Variants in GSG1L observed in about 807,000 individuals in gnomAD.
GSG1L encodes the protein GSG1 like.
A neutral mutation model predicts 42.1 loss-of-function variants in GSG1L; 24 were observed. The ratio of observed to expected loss-of-function variants is 0.57; its 90% CI spans 0.41 to 0.80. The LOEUF is 0.80. GSG1L is among the 30% of genes least tolerant of loss of function. The pLI, the probability that GSG1L is intolerant of heterozygous loss-of-function variation, is 0.00. For missense variants in GSG1L, 445 were observed against 472.2 expected, an observed-to-expected ratio of 0.94 and a Z score of 0.53; for synonymous variants, 215 against 203.5, an observed-to-expected ratio of 1.06 and a Z score of -0.48.
In GSG1L at chr16:27,790,019, A is replaced by G. The variant is rs574492241; in HGVS notation, c.*1351T>C. ...GCTGGATGGATGGATGGATGGATAG[A>G]TGATGGATAGCTGATGAATGAGTGG... is the stretch of plus-strand genomic sequence containing the variant. On this transcript the variant is annotated 3_prime_UTR_variant, in exon 7 of 7. Transcript: ENST00000447459. 6.6e-6 allele frequency: 1 copy of G among 151,446 alleles called. No individual in the cohort carries two copies. Among genetic ancestry groups the G allele is most frequent in the African/African-American group, 2.4e-5 (1 of 41,234 alleles). The allele number at this position is 151,446 out of a possible 1,614,324, so 9.4% of individuals were successfully genotyped here. A position where few individuals can be genotyped will look rare whatever the true frequency, so the allele number is the denominator to read the frequency against.
At chr16:27,816,323 G>A (rs1222750576) in intron 5 of GSG1L, among the ~76,000 whole-genome samples, 1 of 152,216 alleles carries the variant, frequency 6.6e-6, no homozygotes, top group South Asian at 2.1e-4. Context: ...TCTGGATTCA[G>A]GGCAGGCAAA....
intron 1 of GSG1L, among the ~76,000 whole-genome samples, chr16:27,986,656 G>A (rs1035453803): frequency 2.0e-5 from 3 of 152,222 alleles, no homozygotes; most frequent in Non-Finnish European, 4.4e-5. Flanking sequence ...TGGGGAGAAT[G>A]TCCTTGCAGT....
rs117704049 is a variant in GSG1L at position 27,811,947 on chromosome 16, G to A, written c.831-4393C>T. ...ATTACAGGCGTGAGCCACCATGCCT[G>A]GTCTCTCCTGGTTTCTTCTCTGAAG... On this transcript the variant is annotated intron_variant, in intron 5 of 6. Transcript: ENST00000447459. Among the ~76,000 whole-genome samples, 9 of 152,296 alleles carry A rather than the reference G, an allele frequency of 5.9e-5. No individual in the cohort carries two copies. The East Asian group carries it at 1.7e-3, about 29-fold the overall frequency.
intron 5 of GSG1L, among the ~76,000 whole-genome samples, chr16:27,828,201 C>T (rs888423954): frequency 1.6e-4 from 24 of 152,198 alleles, no homozygotes; most frequent in African/African-American, 5.8e-4. Flanking sequence ...ATCTACCCAT[C>T]CACTCACTCT....
At chr16:27,897,284 C>G (rs1158488315) in intron 2 of GSG1L, among the ~76,000 whole-genome samples, 1 of 151,892 alleles carries the variant, frequency 6.6e-6, no homozygotes, top group Non-Finnish European at 1.5e-5. Flanking sequence ...CAAGAGGAAA[C>G]TAATACACCT....
intron 3 of GSG1L, among the ~76,000 whole-genome samples, chr16:27,860,652 A>C (rs2083637305): frequency 6.6e-6 from 1 of 152,216 alleles, no homozygotes; most frequent in South Asian, 2.1e-4. Flanking sequence ...AATATGGAGA[A>C]TTTCCATCAA....
Position 28,040,681 on chromosome 16 carries a change from A to G in GSG1L, c.349+22395T>C, listed in dbSNP as rs2086095413. ...TGCTCTCAGAGCCCCCAGGCCTGAG[A>G]GCCTTCCCTCCACTGGGCTCTGGCC... On this transcript the variant is annotated intron_variant, in intron 1 of 6. Transcript: ENST00000447459. The surrounding 1 kb of genome is among the most constrained non-coding windows in gnomAD (Gnocchi z 4.1). Among the ~76,000 whole-genome samples the G allele has an allele frequency of 6.6e-6, 1 of 152,132 alleles. No individual in the cohort carries two copies. Among genetic ancestry groups the G allele is most frequent in the Non-Finnish European group, 1.5e-5 (1 of 68,014 alleles).
intron 1 of GSG1L, among the ~76,000 whole-genome samples, chr16:28,013,213 C>G (rs1462750708): frequency 1.0e-5 from 1 of 99,052 alleles, no homozygotes; most frequent in Non-Finnish European, 2.1e-5. Flanking sequence ...GAGCAAAACT[C>G]TGACTCAAAA....
At chr16:27,942,338 T>A (rs144017929) in intron 2 of GSG1L, among the ~76,000 whole-genome samples, 19 of 152,424 alleles carry the variant, frequency 1.2e-4, no homozygotes, top group African/African-American at 4.6e-4. Context: ...TTGGTAGAGA[T>A]GGAGTTTCAC....
At chr16:27,846,731 G>A (rs908995154) in intron 3 of GSG1L, among the ~76,000 whole-genome samples, 1 of 152,112 alleles carries the variant, frequency 6.6e-6, no homozygotes, top group South Asian at 2.1e-4. Context: ...GAGGCATGCG[G>A]ATCACGAGGT....
intron 2 of GSG1L, among the ~76,000 whole-genome samples, chr16:27,957,374 A>C (rs17587118): frequency 0.16 from 23,643 of 152,276 alleles, 2,307 homozygotes; most frequent in Non-Finnish European, 0.22. Context: ...AGTTCATAAC[A>C]TGGAGGCATT....
intron 6 of GSG1L, among the ~76,000 whole-genome samples, chr16:27,806,250 T>C (rs1397112811): frequency 1.3e-5 from 2 of 152,088 alleles, no homozygotes; most frequent in Non-Finnish European, 2.9e-5. Flanking sequence ...CAGGCCAAAA[T>C]TGGGCTCTCT....
At chr16:27,992,133 T>G (rs2085464086) in intron 1 of GSG1L, among the ~76,000 whole-genome samples, 1 of 152,154 alleles carries the variant, frequency 6.6e-6, no homozygotes, top group African/African-American at 2.4e-5. Flanking sequence ...TCCCTAGTGA[T>G]GATGAGTTTT....
chr16:27,892,147 T>C (rs1341719994), intron 2 of GSG1L, among the ~76,000 whole-genome samples: 1 of 152,072 alleles, frequency 6.6e-6, no homozygotes, highest in Non-Finnish European at 1.5e-5. Context: ...TAAAGTCCCA[T>C]TTTTAAATGT....
intron 4 of GSG1L, among the ~76,000 whole-genome samples, chr16:27,831,015 C>T (rs1180264112): frequency 6.6e-6 from 1 of 152,236 alleles, no homozygotes; most frequent in African/African-American, 2.4e-5. Context: ...CACATGACCT[C>T]GGCTTGGCTA....
At chr16:27,977,586 A>AG (rs2085266043) in intron 1 of GSG1L, among the ~76,000 whole-genome samples, 1 of 145,116 alleles carries the variant, frequency 6.9e-6, no homozygotes. Flanking sequence ...AAAAAAAAAA[A>AG]GGGCAAGGAC....
Position 27,866,983 on chromosome 16 carries a change from C to T in GSG1L, c.550+17503G>A, listed in dbSNP as rs190199743. Among the ~76,000 whole-genome samples, 204 of 152,288 alleles carry T rather than the reference C, an allele frequency of 1.3e-3. 1 individual carries two copies. The highest frequency in any genetic ancestry group is 0.011 in the Admixed American group (168 of 15,298). ...TCCCCACCAGTGGCCCACCCTGGCCCGGGGGCAGAGGAGAGAGTGCCTATT... is the reference window on the plus strand; with the variant it reads ...TCCCCACCAGTGGCCCACCCTGGCCTGGGGGCAGAGGAGAGAGTGCCTATT... On this transcript the variant is annotated intron_variant, in intron 3 of 6. Transcript: ENST00000447459.
intron 2 of GSG1L, among the ~76,000 whole-genome samples, chr16:27,904,458 T>C (rs375007096): frequency 3.3e-5 from 5 of 152,138 alleles, no homozygotes; most frequent in Admixed American, 6.5e-5. Flanking sequence ...CAATACTCCC[T>C]AGCCCCCTTT....
intron 3 of GSG1L, among the ~76,000 whole-genome samples, chr16:27,879,220 G>A (rs1307623456): frequency 3.9e-5 from 6 of 152,194 alleles, no homozygotes; most frequent in Non-Finnish European, 7.3e-5. Flanking sequence ...TGTGATTAAT[G>A]ATAATGAATG....
Sources: gnomAD v4.1 joint callset for allele counts (sites outside exome capture counted in the v4.1 genomes callset) on GRCh38, gnomAD v4.1.1 for gene constraint, Gnocchi (gnomAD v3.1) non-coding constraint, MANE v1.5 for transcripts, NCBI Gene and HGNC (gene_info 2026-07-23, HGNC 2026-07-21) for gene names.